Variants in SLC35F5 observed in about 807,000 individuals in gnomAD.
The protein encoded by SLC35F5 is HCV NS5A-transactivated protein 3.
SLC35F5 carries 54 observed loss-of-function variants against 68.6 expected under a neutral mutation model. The ratio of observed to expected loss-of-function variants is 0.79; its 90% CI spans 0.63 to 0.99. The LOEUF is 0.99. Ranked by LOEUF, SLC35F5 falls within the 50% of genes least tolerant of loss-of-function variation. The pLI, the probability that SLC35F5 is intolerant of heterozygous loss-of-function variation, is 0.00. For missense variants in SLC35F5, 567 were observed against 626.9 expected, an observed-to-expected ratio of 0.90 and a Z score of 1.02; for synonymous variants, 211 against 205.2, an observed-to-expected ratio of 1.03 and a Z score of -0.24.
chr2:113,727,687 T>C (rs1204094493), intron 11 of SLC35F5, among the ~76,000 whole-genome samples: 1 of 152,128 alleles, frequency 6.6e-6, no homozygotes, highest in Non-Finnish European at 1.5e-5. Context: ...CACACTCCCT[T>C]GCCTGAAGAG....
At chr2:113,731,444 T>A (rs1687881157) in intron 10 of SLC35F5, 140 bp downstream of exon 10, 4 of 600,448 alleles carry the variant, frequency 6.7e-6, no homozygotes, top group African/African-American at 1.8e-5. Flanking sequence ...CGCATTTTTT[T>A]ATGTTATTTC....
In SLC35F5 at chr2:113,725,545, T is replaced by G. The variant is rs368462832; in HGVS notation, c.1091-8A>C. On this transcript the variant is annotated splice_polypyrimidine_tract_variant and splice_region_variant and intron_variant, in intron 11 of 15. Transcript: ENST00000245680. ...TAAACAAACCTACAAAACCTGAACA[T>G]GTATAAAAGAGACAAGAGTTAAAAT... 13 of 1,563,166 alleles carry G rather than the reference T, an allele frequency of 8.3e-6. No individual in the cohort carries two copies. Among genetic ancestry groups the G allele is most frequent in the Non-Finnish European group, 1.1e-5 (13 of 1,163,790 alleles).
In SLC35F5 at chr2:113,708,493, T is replaced by G. The variant is rs2104946766; in HGVS notation, c.*6725A>C. On this transcript the variant is annotated 3_prime_UTR_variant, in exon 16 of 16. Transcript: ENST00000245680. ...GCCGAGGCGTGTAGATCACTTGAGG[T>G]CAAGAGTTCAAGACCAACCTGGCCA... Among the ~76,000 whole-genome samples the G allele has an allele frequency of 6.9e-6, 1 of 145,024 alleles. No homozygotes were observed. The highest frequency in any genetic ancestry group is 2.6e-5 in the African/African-American group (1 of 39,156).
At chr2:113,722,062 C>T (rs1465415373) in intron 13 of SLC35F5, among the ~76,000 whole-genome samples, 2 of 150,532 alleles carry the variant, frequency 1.3e-5, no homozygotes, top group East Asian at 3.9e-4. Context: ...GCAACCTCCG[C>T]CTCCCGGGTT....
At chr2:113,745,537 G>C (rs1330030636) in intron 5 of SLC35F5, among the ~76,000 whole-genome samples, 1 of 152,164 alleles carries the variant, frequency 6.6e-6, no homozygotes, top group African/African-American at 2.4e-5. Context: ...AAAATAAAAA[G>C]TTAGTGGTGG....
Position 113,756,617 on chromosome 2 carries a change from C to T in SLC35F5, c.-208G>A. ...TGAGGGGAAGGGACGGCACAGTCAGCTATGGCCGCGGAGGCCCGGAGATCT... is the reference window on the plus strand; with the variant it reads ...TGAGGGGAAGGGACGGCACAGTCAGTTATGGCCGCGGAGGCCCGGAGATCT... On this transcript the variant is annotated 5_prime_UTR_variant, in exon 1 of 16. Transcript: ENST00000245680. 1.5e-6 allele frequency: 2 copies of T among 1,344,538 alleles called. No homozygotes were observed. The highest frequency in any genetic ancestry group is 3.1e-5 in the Admixed American group (1 of 31,784). 83.3% of individuals were successfully genotyped at this position (1,344,538 alleles called of 1,614,324 possible). A position where few individuals can be genotyped will look rare whatever the true frequency, so the allele number is the denominator to read the frequency against.
chr2:113,745,132 G>C (rs959583961), intron 5 of SLC35F5, among the ~76,000 whole-genome samples: 5 of 152,152 alleles, frequency 3.3e-5, no homozygotes, highest in Non-Finnish European at 4.4e-5. Context: ...AGAGCAATTT[G>C]ACATATCCAT....
rs1439980839 is a variant in SLC35F5, at chr2:113,713,586, C to G, written c.*1632G>C. ...AATTAAAATGTTACTTCATTATGTT[C>G]TTTTTAAAAGAAAATTCCTCAGAAG... On this transcript the variant is annotated 3_prime_UTR_variant, in exon 16 of 16. Transcript: ENST00000245680. 1 of 151,954 alleles carries G rather than the reference C, an allele frequency of 6.6e-6. No homozygotes were observed. Among genetic ancestry groups the G allele is most frequent in the African/African-American group, 2.4e-5 (1 of 41,384 alleles). 9.4% of individuals were successfully genotyped at this position (151,954 alleles called of 1,614,324 possible).
intron 13 of SLC35F5, chr2:113,721,430 C>G (rs1230096249): frequency 1.9e-5 from 3 of 154,034 alleles, no homozygotes; most frequent in Non-Finnish European, 4.4e-5. Context: ...CCCGTTTTGT[C>G]TTTACCCTAA....
chr2:113,724,763 A>G (rs1005495002), intron 12 of SLC35F5, among the ~76,000 whole-genome samples: 16 of 152,178 alleles, frequency 1.1e-4, no homozygotes, highest in African/African-American at 3.1e-4. Context: ...CTGTTATTTG[A>G]AAGGTCTCTC....
In SLC35F5 at chr2:113,712,293, T is replaced by C. The variant is rs1260430453; in HGVS notation, c.*2925A>G. Among the ~76,000 whole-genome samples, 1 of 151,878 alleles carries C rather than the reference T, an allele frequency of 6.6e-6. No individual in the cohort carries two copies. Among genetic ancestry groups the C allele is most frequent in the African/African-American group, 2.4e-5 (1 of 41,332 alleles). On this transcript the variant is annotated 3_prime_UTR_variant, in exon 16 of 16. Transcript: ENST00000245680. The stretch of plus-strand genomic sequence containing the variant: ...CATAAACCTAATGGTTCTTCTAAGC[T>C]TCAAAAAGCATTCATTTCAAAAGTA...
At position 113,713,403 on chromosome 2, in the gene SLC35F5, A is replaced by G. The variant is rs1309140770; in HGVS notation, c.*1815T>C. The G allele has an allele frequency of 6.6e-6, 1 of 152,200 alleles. No individual in the cohort carries two copies. The highest frequency in any genetic ancestry group is 2.4e-5 in the African/African-American group (1 of 41,442). 9.4% of individuals were successfully genotyped at this position (152,200 alleles called of 1,614,324 possible). On this transcript the variant is annotated 3_prime_UTR_variant, in exon 16 of 16. Transcript: ENST00000245680. The stretch of plus-strand genomic sequence containing the variant: ...GATTCTAAGCTCAGCCTCTTTCCCT[A>G]TAGTATTTACAGAATAATTTTAAAT...
intron 15 of SLC35F5, 31 bp downstream of exon 15, chr2:113,717,722 A>T: frequency 1.5e-6 from 2 of 1,373,514 alleles, no homozygotes; most frequent in South Asian, 2.5e-5. Flanking sequence ...TAAGAACCTT[A>T]TTCAATACTA....
Position 113,734,658 on chromosome 2 carries a change from A to T in SLC35F5, c.848T>A (p.Ile283Asn), listed in dbSNP as rs1241997234. The change falls in exon 9 of 16, where the codon ATC becomes AAC. Residue 283 changes from isoleucine to asparagine, a missense_variant. Transcript: ENST00000245680. ...LSSTSGLFTL[I>N]LAAVFPSNSG... The stretch of plus-strand genomic sequence containing the variant: ...GTTACTTGGAAATACTGCAGCAAGG[A>T]TTAAGGTAAAAAGTCCTATGAGGAG... The T allele has an allele frequency of 3.7e-6, 6 of 1,602,946 alleles. No individual in the cohort carries two copies. In the Admixed American group the frequency reaches 1.0e-4, roughly 27 times the overall value.
At chr2:113,730,495 G>A (rs774428771) in intron 10 of SLC35F5, among the ~76,000 whole-genome samples, 5 of 152,020 alleles carry the variant, frequency 3.3e-5, no homozygotes, top group African/African-American at 7.2e-5. Context: ...GAGGTGAGGA[G>A]GTTCAAAGCA....
chr2:113,756,574 A>G lies in SLC35F5; in HGVS notation c.-165T>C. On this transcript the variant is annotated 5_prime_UTR_variant, in exon 1 of 16. Transcript: ENST00000245680. ...GACACCACCCAACTCCACTCGGCCC[A>G]GGAGGGCGTGGAGCGGGTGAGGGGA... 1 of 1,438,430 alleles carries G rather than the reference A, an allele frequency of 7.0e-7. No homozygotes were observed. Among genetic ancestry groups the G allele is most frequent in the East Asian group, 2.6e-5 (1 of 38,826 alleles). 89.1% of individuals were successfully genotyped at this position (1,438,430 alleles called of 1,614,324 possible). A position where few individuals can be genotyped will look rare whatever the true frequency, so the allele number is the denominator to read the frequency against.
In SLC35F5 at chr2:113,711,646, C is replaced by T. The variant is rs1423680512; in HGVS notation, c.*3572G>A. Among the ~76,000 whole-genome samples, 1 of 152,162 alleles carries T rather than the reference C, an allele frequency of 6.6e-6. No homozygotes were observed. The highest frequency in any genetic ancestry group is 2.4e-5 in the African/African-American group (1 of 41,434). On this transcript the variant is annotated 3_prime_UTR_variant, in exon 16 of 16. Transcript: ENST00000245680. The stretch of plus-strand genomic sequence containing the variant: ...TTCAAATTCTGTAAACTGAACATCT[C>T]ATTAATGCCACTTCACCATTTAAAA...
chr2:113,738,989 T>C (rs60893071), intron 7 of SLC35F5, among the ~76,000 whole-genome samples: 4,299 of 152,318 alleles, frequency 0.028, 116 homozygotes, highest in African/African-American at 0.07. Context: ...TTTTCCTTTT[T>C]TAAATGTATC....
chr2:113,723,012 G>T, intron 13 of SLC35F5, 92 bp downstream of exon 13: 1 of 776,480 alleles, frequency 1.3e-6, no homozygotes, highest in Non-Finnish European at 1.9e-6. Flanking sequence ...ATTTATGTTT[G>T]TATCCTTATA....
Sources: allele counts gnomAD v4.1 joint callset (sites outside exome capture counted in the v4.1 genomes callset), GRCh38; gene constraint gnomAD v4.1.1; transcripts MANE v1.5; gene names NCBI Gene and HGNC (gene_info 2026-07-23, HGNC 2026-07-21).